The following EP300 variants were observed in gnomAD, a reference collection of about 807,000 sequenced individuals.
EP300 encodes EP300 lysine acetyltransferase.
Under a neutral mutation model 264.0 loss-of-function variants are expected in EP300, and 31 were observed. The ratio of observed to expected loss-of-function variants is 0.12; its 90% CI spans 0.09 to 0.16. The LOEUF (loss-of-function observed/expected upper bound fraction) is 0.16. Among genes scored for constraint, EP300 ranks in the 10% least tolerant of loss-of-function variants. EP300 has a pLI of 1.00. For synonymous variants in EP300, 1,340 were observed against 1,045.4 expected, an observed-to-expected ratio of 1.28 and a Z score of -5.44; for missense variants, 2,766 against 3,052.9, an observed-to-expected ratio of 0.91 and a Z score of 2.21.
At chr22:41,168,400 A>G in intron 23 of EP300, 49 bp from the exon 24 acceptor site, 1 of 1,606,726 alleles carries the variant, frequency 6.2e-7, no homozygotes. Flanking sequence ...CCTTAAGACT[A>G]ACAACAGTAA....
At chr22:41,123,599 G>T (rs2058864152) in intron 2 of EP300, among the ~76,000 whole-genome samples, 1 of 152,172 alleles carries the variant, frequency 6.6e-6, no homozygotes, top group Non-Finnish European at 1.5e-5. Flanking sequence ...CCTTTGATTG[G>T]TCTTAGCAGA....
chr22:41,164,017 T>C, intron 21 of EP300, 36 bp from the exon 22 acceptor site: 1 of 1,595,598 alleles, frequency 6.3e-7, no homozygotes, highest in Non-Finnish European at 8.6e-7. Context: ...TGGTTAAGGT[T>C]TGGGGTTAAT....
chr22:41,176,752 C>A, intron 30 of EP300, 21 bp from the exon 31 acceptor site: 1 of 1,613,772 alleles, frequency 6.2e-7, no homozygotes, highest in Non-Finnish European at 8.5e-7. Flanking sequence ...AGTTTACGTG[C>A]ACCTCCTGTT....
At chr22:41,114,432 C>T (rs1170952775) in intron 1 of EP300, among the ~76,000 whole-genome samples, 1 of 152,156 alleles carries the variant, frequency 6.6e-6, no homozygotes, top group African/African-American at 2.4e-5. Flanking sequence ...CCTCCTTGGC[C>T]TCACAAAGTG....
At chr22:41,107,108 T>C (rs974646296) in intron 1 of EP300, among the ~76,000 whole-genome samples, 3 of 152,052 alleles carry the variant, frequency 2.0e-5, no homozygotes, top group Non-Finnish European at 4.4e-5. Context: ...GGTTTCACCA[T>C]GTTGGCCAGG....
intron 13 of EP300, among the ~76,000 whole-genome samples, 180 bp downstream of exon 13, chr22:41,149,355 G>A (rs1187643354): frequency 1.3e-5 from 2 of 152,176 alleles, no homozygotes; most frequent in African/African-American, 2.4e-5. Flanking sequence ...CATAGCAATG[G>A]TGTTAATTGT....
intron 6 of EP300, among the ~76,000 whole-genome samples, chr22:41,133,665 A>G (rs755586531): frequency 1.7e-4 from 26 of 152,162 alleles, no homozygotes; most frequent in Non-Finnish European, 3.1e-4. Context: ...ACCAACCCAT[A>G]CTGCTATTTT....
chr22:41,173,910 A>T, intron 29 of EP300, 126 bp downstream of exon 29: 1 of 1,099,034 alleles, frequency 9.1e-7, no homozygotes, highest in Non-Finnish European at 1.4e-6. Context: ...TCAGGAGTTC[A>T]AGACCAGCCT....
chr22:41,095,130 C>T (rs761382312), intron 1 of EP300, among the ~76,000 whole-genome samples: 1 of 151,220 alleles, frequency 6.6e-6, no homozygotes, highest in Non-Finnish European at 1.5e-5. Flanking sequence ...CTTTGGTGTA[C>T]GGTTTTTAAT....
At chr22:41,132,334 C>A (rs1601607744) in intron 6 of EP300, among the ~76,000 whole-genome samples, 1 of 114,672 alleles carries the variant, frequency 8.7e-6, no homozygotes, top group African/African-American at 3.4e-5. Flanking sequence ...TGTTGTCAGG[C>A]TGGAATGCAG....
intron 22 of EP300, among the ~76,000 whole-genome samples, chr22:41,166,367 G>A (rs2059134287): frequency 6.6e-6 from 1 of 152,138 alleles, no homozygotes; most frequent in Non-Finnish European, 1.5e-5. Context: ...ATCTTTTCCT[G>A]TGTAAACCAA....
chr22:41,126,191 T>C, intron 3 of EP300, 151 bp downstream of exon 3: 1 of 738,592 alleles, frequency 1.4e-6, no homozygotes, highest in Non-Finnish European at 2.2e-6. Context: ...TGAGGAGGCT[T>C]GTGCTTCCTT....
chr22:41,151,866 G>T lies in EP300; in HGVS notation c.2851G>T (p.Val951Leu). 1 of 1,614,122 alleles carries T rather than the reference G, an allele frequency of 6.2e-7. No homozygotes were observed. The highest frequency in any genetic ancestry group is 8.5e-7 in the Non-Finnish European group (1 of 1,180,024). ...SQPAVSIEGQ[V>L]SNPPSTSSTE... The stretch of plus-strand genomic sequence containing the variant: ...GCCAGCTGTAAGCATTGAAGGACAG[G>T]TATCAAATCCTCCATCTACTAGTAG... The change falls in exon 15 of 31, where the codon GTA becomes TTA. Residue 951 changes from valine (V) to leucine (L), a missense_variant. Transcript: ENST00000263253.
chr22:41,118,954 T>A (rs1158113675), intron 2 of EP300, among the ~76,000 whole-genome samples: 1 of 151,446 alleles, frequency 6.6e-6, no homozygotes, highest in Non-Finnish European at 1.5e-5. Context: ...TAGGATTCTG[T>A]TTTAGCATTC....
chr22:41,117,171 T>C lies in EP300; in HGVS notation c.95-16T>C, dbSNP rs5758235. ...TTTGTCATACTTTGACCTTTGTCTT[T>C]TCCCTTTGCTTTTAGATTTTGGCTC... On this transcript the variant is annotated splice_polypyrimidine_tract_variant and intron_variant, in intron 1 of 30. Coordinates refer to ENST00000263253, the MANE Select transcript of EP300 (RefSeq NM_001429.4). 19,798 of 1,612,800 alleles carry C rather than the reference T, an allele frequency of 0.012. 1,445 individuals carry two copies. The East Asian group carries it at 0.18, about 15-fold the overall frequency.
chr22:41,137,871 T>G, intron 8 of EP300, 81 bp downstream of exon 8: 1 of 1,591,740 alleles, frequency 6.3e-7, no homozygotes, highest in Admixed American at 1.7e-5. Context: ...ATTTAATTAC[T>G]AAAGGAATAT....
At chr22:41,176,698 C>T (rs1008839983) in intron 30 of EP300, 75 bp from the exon 31 acceptor site, 24 of 1,612,856 alleles carry the variant, frequency 1.5e-5, no homozygotes, top group Admixed American at 5.0e-5. Flanking sequence ...CTTTTCTAGC[C>T]CAAACAATAT....
At chr22:41,099,882 C>T (rs761244125) in intron 1 of EP300, among the ~76,000 whole-genome samples, 11 of 152,244 alleles carry the variant, frequency 7.2e-5, no homozygotes, top group Middle Eastern at 3.4e-3. Flanking sequence ...AGGGGAGATT[C>T]ACTACCCGGT....
At chr22:41,169,046 C>G (rs1316095492) in intron 25 of EP300, 179 bp downstream of exon 25, 1 of 774,770 alleles carries the variant, frequency 1.3e-6, no homozygotes, top group African/African-American at 1.7e-5. Flanking sequence ...AACAAAATAA[C>G]CGCTCAATAC....
Sources: allele counts gnomAD v4.1 joint callset (sites outside exome capture counted in the v4.1 genomes callset), GRCh38; gene constraint gnomAD v4.1.1; transcripts MANE v1.5; gene names NCBI Gene and HGNC (gene_info 2026-07-23, HGNC 2026-07-21).